USP43: variants seen among roughly 807,000 people sequenced by gnomAD.
USP43 encodes the protein ubiquitin specific peptidase 43, also known as ubiquitin carboxyl-terminal hydrolase 43.
Under a neutral mutation model 90.7 loss-of-function variants are expected in USP43, and 33 were observed. The ratio of observed to expected loss-of-function variants is 0.36; its 90% confidence interval spans 0.28 to 0.49. The LOEUF (loss-of-function observed/expected upper bound fraction) is 0.49. Among genes scored for constraint, USP43 ranks in the 20% least tolerant of loss-of-function variants. USP43 has a pLI of 0.98. For missense variants in USP43, 1,274 were observed against 1,476.4 expected (o/e 0.86, Z 2.25); for synonymous variants, 598 against 615.8 (o/e 0.97, Z 0.43).
Position 9,682,969 on chromosome 17 carries a change from C to T in USP43, c.1241+11C>T. On this transcript the variant is annotated intron_variant, in intron 7 of 14. Transcript: ENST00000285199. ...GCAGCAGGCTAGCAGGTATGTTTCA[C>T]TTTATTCTTTTTTCATGTGGTGTCT... 4 of 1,610,752 alleles carry T rather than the reference C, an allele frequency of 2.5e-6. No individual in the cohort carries two copies. Among genetic ancestry groups the T allele is most frequent in the Non-Finnish European group, 3.4e-6 (4 of 1,177,622 alleles).
In USP43 at chr17:9,701,224, G is replaced by A. The variant is rs1279582599; in HGVS notation, c.1641G>A (p.Gln547=). Residue 547 remains glutamine, a synonymous_variant, in exon 11 of 15, where the codon CAG becomes CAA. Coordinates refer to ENST00000285199, the MANE Select transcript of USP43 (RefSeq NM_153210.5). The surrounding 1 kb of genome is among the most constrained non-coding windows in gnomAD (Gnocchi z 7.2). ...QHSCTLDECF[Q]FYTKEEQLAQ... is the part of the protein sequence containing the mutation. ...GCTGTACCTTGGATGAATGTTTTCA[G>A]TTCTACACCAAGGAGGAGCAGGTCC... The A allele has an allele frequency of 6.2e-7, 1 of 1,605,402 alleles. No individual in the cohort carries two copies. The highest frequency in any genetic ancestry group is 1.3e-5 in the African/African-American group (1 of 74,908).
rs1390210157 is a variant in USP43 at position 9,666,723 on chromosome 17, G to A, written c.712G>A (p.Val238Met). ...SAQLPLGQSF[V>M]QSHFQAQYRS... is the part of the protein sequence containing the mutation. ...TCAGCTTCCTCTAGGTCAAAGCTTT[G>A]TGCAAAGCCACTTTCAAGCACAATA... is the stretch of plus-strand genomic sequence containing the variant. The change falls in exon 3 of 15, where the codon GTG (valine) becomes ATG (methionine). Residue 238 changes from valine to methionine, a missense_variant. Around this residue, in one of 6 missense-constraint regions of USP43, gnomAD observed 259 missense variants for 373.7 expected, o/e 0.69. Coordinates refer to ENST00000285199, the MANE Select transcript of USP43 (RefSeq NM_153210.5). 1 of 1,613,146 alleles carries A rather than the reference G, an allele frequency of 6.2e-7. No homozygotes were observed. The highest frequency in any genetic ancestry group is 1.1e-5 in the South Asian group (1 of 90,770).
At chr17:9,685,879 A>ACT (rs1210214213) in intron 7 of USP43, among the ~76,000 whole-genome samples, 1 of 152,112 alleles carries the variant, frequency 6.6e-6, no homozygotes, top group Non-Finnish European at 1.5e-5. Context: ...AACAATAGTC[A>ACT]CTCTATATTG....
intron 14 of USP43, among the ~76,000 whole-genome samples, chr17:9,713,575 G>C (rs967997505): frequency 1.1e-4 from 16 of 152,132 alleles, no homozygotes; most frequent in Non-Finnish European, 2.2e-4. Context: ...GACATCACAG[G>C]GGGCAAGAGT....
intron 12 of USP43, among the ~76,000 whole-genome samples, chr17:9,703,982 T>G (rs1443667745): frequency 6.6e-6 from 1 of 152,196 alleles, no homozygotes; most frequent in Non-Finnish European, 1.5e-5. Flanking sequence ...GGAAATGCCT[T>G]TATTTCCACA....
intron 9 of USP43, among the ~76,000 whole-genome samples, chr17:9,694,288 A>G (rs1360362574): frequency 6.6e-6 from 1 of 152,128 alleles, no homozygotes; most frequent in East Asian, 1.9e-4. Context: ...CACCCCATCC[A>G]TATCCTCCTT....
At position 9,645,866 on chromosome 17, in the gene USP43, A is replaced by T; in HGVS notation, c.234A>T (p.Glu78Asp). 7.0e-7 allele frequency: 1 copy of T among 1,421,140 alleles called. No individual in the cohort carries two copies. Among genetic ancestry groups the T allele is most frequent in the Non-Finnish European group, 9.1e-7 (1 of 1,094,082 alleles). 88.0% of individuals were successfully genotyped at this position (1,421,140 alleles called of 1,614,324 possible). Residue 78 changes from glutamate (E) to aspartate (D), a missense_variant, in exon 1 of 15, where the codon GAA (glutamate) becomes GAT (aspartate). Glu to Asp is a conservative substitution (Grantham distance 45, BLOSUM62 2). Coordinates refer to ENST00000285199, the MANE Select transcript of USP43 (RefSeq NM_153210.5). The surrounding 1 kb of genome is among the most constrained non-coding windows in gnomAD (Gnocchi z 6.8). ...VPAAPGSPGE[E>D]RPPGPQPQLQ... ...CGGCCCCCGGGAGCCCCGGGGAGGA[A>T]CGCCCGCCCGGACCCCAGCCCCAGC... is the stretch of plus-strand genomic sequence containing the variant.
At chr17:9,647,048 G>A (rs1232292680) in intron 1 of USP43, 2 of 133,432 alleles carry the variant, frequency 1.5e-5, no homozygotes, top group Non-Finnish European at 3.1e-5. Flanking sequence ...TGATGCACAT[G>A]GCTTGCTTCC....
intron 1 of USP43, among the ~76,000 whole-genome samples, chr17:9,655,084 GAA>G (rs57985388): frequency 0.05 from 1,873 of 37,234 alleles, 16 homozygotes; most frequent in Non-Finnish European, 0.056. Context: ...AGAAAGAAAG[GAA>G]AAAAAAAAAA....
chr17:9,717,985 T>C (rs1916693984), intron 14 of USP43, among the ~76,000 whole-genome samples: 1 of 151,716 alleles, frequency 6.6e-6, no homozygotes, highest in African/African-American at 2.4e-5. Context: ...TTAGTAGAGA[T>C]GGGGGTTTCA....
In USP43 at chr17:9,728,899, G is replaced by A. The variant is rs1253493255; in HGVS notation, c.3281G>A (p.Gly1094Glu). The A allele has an allele frequency of 6.2e-7, 1 of 1,613,248 alleles. No individual in the cohort carries two copies. The highest frequency in any genetic ancestry group is 2.2e-5 in the East Asian group (1 of 44,876). The change falls in exon 15 of 15, where the codon GGG becomes GAG. Residue 1094 changes from glycine (G) to glutamate (E), a missense_variant. Gly to Glu is a moderately conservative substitution (Grantham distance 98). Coordinates refer to ENST00000285199, the MANE Select transcript of USP43 (RefSeq NM_153210.5). This position sits in a 1 kb window ranked among gnomAD's most constrained non-coding sequence, Gnocchi z 6.2. The stretch of plus-strand genomic sequence containing the variant: ...GGCATGTCACAAAGGACTGTTCCAG[G>A]GGAGCAGGCTTCTTATGGCACCTTT... ...ALGMSQRTVP[G>E]EQASYGTFQR...
intron 14 of USP43, among the ~76,000 whole-genome samples, chr17:9,722,002 C>T (rs181529808): frequency 2.0e-5 from 3 of 152,086 alleles, no homozygotes; most frequent in Admixed American, 6.5e-5. Flanking sequence ...TCCCACAATG[C>T]TGGGATTACA....
At chr17:9,705,142 T>G (rs1915798488) in intron 12 of USP43, among the ~76,000 whole-genome samples, 1 of 152,176 alleles carries the variant, frequency 6.6e-6, no homozygotes, top group Admixed American at 6.5e-5. Flanking sequence ...TTTAGTAGTT[T>G]CTTGTGTACT....
At chr17:9,708,226 T>C (rs577338160) in intron 12 of USP43, among the ~76,000 whole-genome samples, 11 of 152,330 alleles carry the variant, frequency 7.2e-5, no homozygotes, top group African/African-American at 2.4e-4. Flanking sequence ...CAGGACACTC[T>C]AGGCCACGGA....
intron 3 of USP43, chr17:9,669,573 G>C (rs9903663): frequency 6.6e-6 from 1 of 152,126 alleles, no homozygotes; most frequent in Non-Finnish European, 1.5e-5. Flanking sequence ...CAGGGAGCTC[G>C]CATTCTACCT....
intron 14 of USP43, among the ~76,000 whole-genome samples, chr17:9,714,419 C>T (rs896229037): frequency 8.5e-5 from 13 of 152,208 alleles, no homozygotes; most frequent in South Asian, 2.1e-4. Flanking sequence ...CAGTGGCTCA[C>T]GCCTGTAATC....
chr17:9,651,499 T>C (rs117529020), intron 1 of USP43, among the ~76,000 whole-genome samples: 2,744 of 152,316 alleles, frequency 0.018, 42 homozygotes, highest in Middle Eastern at 0.065. Flanking sequence ...TCAATGTTTT[T>C]ATGTTTCTGT....
chr17:9,645,677 G>T lies in USP43; in HGVS notation c.45G>T (p.Ala15=), dbSNP rs977511484. The stretch of plus-strand genomic sequence containing the variant: ...ACGCGGCAGGAGGGGGACCGCTCGC[G>T]CCCCGGCCCCGCCGCCGCCGCTCCC... ...PGDAAGGGPL[A]PRPRRRRSLR... The change falls in exon 1 of 15, where the codon GCG becomes GCT. Residue 15 remains alanine, a synonymous_variant. Transcript: ENST00000285199. The surrounding 1 kb of genome is among the most constrained non-coding windows in gnomAD (Gnocchi z 6.8). 2 of 1,278,502 alleles carry T rather than the reference G, an allele frequency of 1.6e-6. No homozygotes were observed. Among genetic ancestry groups the T allele is most frequent in the African/African-American group, 1.6e-5 (1 of 64,070 alleles). The allele number at this position is 1,278,502 out of a possible 1,614,324, so 79.2% of individuals were successfully genotyped here.
intron 14 of USP43, among the ~76,000 whole-genome samples, chr17:9,715,885 GTC>G (rs1377496162): frequency 1.8e-4 from 27 of 151,482 alleles, no homozygotes; most frequent in Non-Finnish European, 3.4e-4. Flanking sequence ...CTGTGTGTGT[GTC>G]TCTGTGTGTC....
Sources: gnomAD v4.1 joint callset for allele counts (sites outside exome capture counted in the v4.1 genomes callset) on GRCh38, gnomAD v4.1.1 for gene constraint, gnomAD v4.1.1 regional missense constraint, Gnocchi (gnomAD v3.1) non-coding constraint, MANE v1.5 for transcripts, NCBI Gene and HGNC (gene_info 2026-07-23, HGNC 2026-07-21) for gene names.